The following ITGAE variants were observed in gnomAD, a reference collection of about 807,000 sequenced individuals.
ITGAE encodes integrin alpha-E.
ITGAE carries 99 observed loss-of-function variants against 136.5 expected under a neutral mutation model. The ratio of observed to expected loss-of-function variants is 0.73; its 90% confidence interval spans 0.62 to 0.86. ITGAE has a LOEUF of 0.86. ITGAE is among the 40% of genes least tolerant of loss of function. ITGAE has a pLI of 0.00. For synonymous variants in ITGAE, 613 were observed against 591.8 expected, an observed-to-expected ratio of 1.04 and a Z score of -0.52; for missense variants, 1,447 against 1,515.3, an observed-to-expected ratio of 0.95 and a Z score of 0.75.
intron 2 of ITGAE, among the ~76,000 whole-genome samples, chr17:3,768,949 G>A (rs903892766): frequency 1.3e-5 from 2 of 152,186 alleles, no homozygotes; most frequent in Admixed American, 6.5e-5. Flanking sequence ...AGGGCTGAGG[G>A]GCGGAGGGCT....
intron 24 of ITGAE, 94 bp from the exon 25 acceptor site, chr17:3,728,262 G>A (rs2051261011): frequency 3.2e-6 from 3 of 951,848 alleles, no homozygotes; most frequent in South Asian, 2.6e-5. Context: ...AGAGCACAGT[G>A]GAACAATCAT....
At chr17:3,759,657 A>C in intron 7 of ITGAE, 104 bp from the exon 8 acceptor site, 1 of 1,351,286 alleles carries the variant, frequency 7.4e-7, no homozygotes, top group Non-Finnish European at 1.0e-6. Context: ...CTTCTACCTT[A>C]TCCCTGGGCA....
chr17:3,761,227 G>C, intron 5 of ITGAE, 50 bp from the exon 6 acceptor site: 2 of 1,588,590 alleles, frequency 1.3e-6, no homozygotes, highest in Non-Finnish European at 1.7e-6. Flanking sequence ...CTCCATCCTC[G>C]CCTGAGCACG....
At position 3,771,096 on chromosome 17, in the gene ITGAE, T is replaced by TAAAA. The variant is rs36098243; in HGVS notation, c.155+6440_155+6443dup. On this transcript the variant is annotated intron_variant, in intron 2 of 30. Transcript: ENST00000263087. ...TTCTTTGGGATCAACTCTGAGGGAT[T>TAAAA]AAAAAAAAAAAAGAACATTCATCCA... Among the ~76,000 whole-genome samples the TAAAA allele has an allele frequency of 6.0e-3, 865 of 144,884 alleles. 5 individuals are homozygous for TAAAA. The highest frequency in any genetic ancestry group is 0.02 in the African/African-American group (789 of 39,460).
At position 3,761,057 on chromosome 17, in the gene ITGAE, T is replaced by C. The variant is rs2052153466; in HGVS notation, c.554A>G (p.Glu185Gly). The C allele has an allele frequency of 6.2e-7, 1 of 1,608,764 alleles. No individual in the cohort carries two copies. Among genetic ancestry groups the C allele is most frequent in the Middle Eastern group, 1.7e-4 (1 of 6,004 alleles). Residue 185 changes from glutamate to glycine, a missense_variant, in exon 6 of 31, where the codon GAG becomes GGG. By Grantham distance (98) the Glu-to-Gly change is moderately conservative (BLOSUM62 -2). Transcript: ENST00000263087. ...GTCTTCCTCCTCCTCCTTGTCTTCC[T>C]CCTCCTCCTTCTCCAGAGCCCGGCG... ...RQRRALEKEE[E>G]EDKEEEEDEE...
In ITGAE at chr17:3,727,548, C is replaced by T. The variant is rs369572127; in HGVS notation, c.3084+371G>A. On this transcript the variant is annotated intron_variant, in intron 26 of 30. Transcript: ENST00000263087. ...CCAAGTAGCTGGGACTACAGGCGCC[C>T]GCCACCACGCCCGGAGAATTTTTTG... 5.5e-4 allele frequency among the ~76,000 whole-genome samples: 83 copies of T among 152,008 alleles called. 2 individuals are homozygous for T. The South Asian group carries it at 0.016, about 29-fold the overall frequency.
intron 21 of ITGAE, among the ~76,000 whole-genome samples, chr17:3,733,037 G>C (rs918637598): frequency 6.6e-6 from 1 of 152,164 alleles, no homozygotes; most frequent in South Asian, 2.1e-4. Context: ...AAGCTGCAGT[G>C]AAGTGGCGCG....
chr17:3,724,217 GA>G (rs752746330), intron 26 of ITGAE: 5 of 1,593,482 alleles, frequency 3.1e-6, no homozygotes, highest in Non-Finnish European at 4.2e-6. Context: ...GGCCCAGCCT[GA>G]CCGTGACCCC....
Position 3,732,404 on chromosome 17 carries a change from G to A in ITGAE, c.2718C>T (p.Asn906=). 6.2e-7 allele frequency: 1 copy of A among 1,614,170 alleles called. No homozygotes were observed. Among genetic ancestry groups the A allele is most frequent in the Non-Finnish European group, 8.5e-7 (1 of 1,180,018 alleles). The part of the protein sequence containing the change: ...PQPVASVLIM[N]CRIGHPVLKR... ...TGAGGACGGGGTGACCAATCCTGCA[G>A]TTCATGATCAGGACAGAAGCAACCG... The change falls in exon 22 of 31, where the codon AAC becomes AAT. Residue 906 remains asparagine (N), a synonymous_variant. Coordinates refer to ENST00000263087, the MANE Select transcript of ITGAE (RefSeq NM_002208.5).
chr17:3,769,459 C>A (rs570591917), intron 2 of ITGAE, among the ~76,000 whole-genome samples: 53 of 152,280 alleles, frequency 3.5e-4, no homozygotes, highest in African/African-American at 1.3e-3. Flanking sequence ...ATGACATGGC[C>A]TGGGGCCCTC....
chr17:3,797,565 A>G (rs1450934471), intron 1 of ITGAE, among the ~76,000 whole-genome samples: 3 of 150,830 alleles, frequency 2.0e-5, no homozygotes, highest in African/African-American at 7.3e-5. Context: ...GGTTCAAGCA[A>G]TTCTCCTGCC....
At chr17:3,790,944 G>T (rs1216263788) in intron 1 of ITGAE, among the ~76,000 whole-genome samples, 1 of 152,074 alleles carries the variant, frequency 6.6e-6, no homozygotes, top group Non-Finnish European at 1.5e-5. Context: ...CACGAGGTCA[G>T]GAGATCGAGA....
At chr17:3,756,224 CTTTTTTTT>C (rs398041526) in intron 10 of ITGAE, among the ~76,000 whole-genome samples, 6 of 95,028 alleles carry the variant, frequency 6.3e-5, no homozygotes, top group South Asian at 3.6e-4. Flanking sequence ...TATTGTTGGC[CTTTTTTTT>C]TTTTTTTTTT....
chr17:3,788,763 T>G (rs1408048591), intron 1 of ITGAE, among the ~76,000 whole-genome samples: 1 of 146,350 alleles, frequency 6.8e-6, no homozygotes, highest in Non-Finnish European at 1.5e-5. Flanking sequence ...TTAAAAATAA[T>G]AATTATTAAA....
intron 24 of ITGAE, 104 bp downstream of exon 24, chr17:3,729,374 T>C: frequency 2.5e-6 from 2 of 786,952 alleles, no homozygotes; most frequent in Non-Finnish European, 4.7e-6. Context: ...AGAAGGACAG[T>C]GTCCACATTC....
chr17:3,787,869 G>A (rs565400448), intron 1 of ITGAE, among the ~76,000 whole-genome samples: 58 of 151,866 alleles, frequency 3.8e-4, no homozygotes, highest in African/African-American at 1.3e-3. Flanking sequence ...TGTATTTTTA[G>A]TAGAGATGGG....
rs2053006427 is a variant in ITGAE at position 3,794,144 on chromosome 17, A to C, written c.34+6967T>G. On this transcript the variant is annotated intron_variant, in intron 1 of 30. Coordinates refer to ENST00000263087, the MANE Select transcript of ITGAE (RefSeq NM_002208.5). ...CAGGCACCTGCCACCACACCGGACT[A>C]ATTTTTGTATTTTTAGTAGAGACGG... Among the ~76,000 whole-genome samples, 2 of 151,552 alleles carry C rather than the reference A, an allele frequency of 1.3e-5. 1 individual carries two copies. The highest frequency in any genetic ancestry group is 4.9e-5 in the African/African-American group (2 of 41,216).
Position 3,757,101 on chromosome 17 carries a change from T to C in ITGAE, c.1054A>G (p.Arg352Gly). 1 of 1,614,180 alleles carries C rather than the reference T, an allele frequency of 6.2e-7. No individual in the cohort carries two copies. Among genetic ancestry groups the C allele is most frequent in the Non-Finnish European group, 8.5e-7 (1 of 1,180,028 alleles). Residue 352 changes from arginine (R) to glycine (G), a missense_variant, in exon 10 of 31, where the codon AGG becomes GGG. Arg to Gly is a moderately radical substitution (Grantham distance 125). This residue lies in a region of ITGAE where 310 missense variants were observed against 416.1 expected (regional missense o/e 0.74). Transcript: ENST00000263087. Reference protein sequence around the residue: ...GEEFKSARTARELNLIASDPD... With the variant: ...GEEFKSARTAGELNLIASDPD... ...TCTGAGGCGATCAGGTTCAGTTCCCTCGCAGTCCTAGCACTCTTAAATTCT... is the reference window on the plus strand; with the variant it reads ...TCTGAGGCGATCAGGTTCAGTTCCCCCGCAGTCCTAGCACTCTTAAATTCT...
chr17:3,733,765 G>T (rs1211717662), intron 21 of ITGAE, among the ~76,000 whole-genome samples: 2 of 152,346 alleles, frequency 1.3e-5, no homozygotes, highest in African/African-American at 4.8e-5. Context: ...GGAAAAGGCG[G>T]TTATTAAAGG....
Sources: gnomAD v4.1 joint callset for allele counts (sites outside exome capture counted in the v4.1 genomes callset) on GRCh38, gnomAD v4.1.1 for gene constraint, gnomAD v4.1.1 regional missense constraint, MANE v1.5 for transcripts, NCBI Gene and HGNC (gene_info 2026-07-23, HGNC 2026-07-21) for gene names.